SEMA5A: variants seen among roughly 807,000 people sequenced by gnomAD.
SEMA5A encodes semaphorin 5A.
Under a neutral mutation model 135.5 loss-of-function variants are expected in SEMA5A, and 55 were observed. That is an observed-to-expected ratio of 0.41 (90% CI 0.33 to 0.51). SEMA5A has a LOEUF of 0.51. Ranked by LOEUF, SEMA5A falls within the 20% of genes least tolerant of loss-of-function variation. The pLI is 0.37. For synonymous variants in SEMA5A, 580 were observed against 546.5 expected, an observed-to-expected ratio of 1.06 and a Z score of -0.85; for missense variants, 1,290 against 1,419.9, an observed-to-expected ratio of 0.91 and a Z score of 1.47.
intron 16 of SEMA5A, among the ~76,000 whole-genome samples, chr5:9,067,750 C>T (rs1737555031): frequency 1.3e-5 from 2 of 152,148 alleles, no homozygotes; most frequent in Non-Finnish European, 2.9e-5. Flanking sequence ...TACTTCATTT[C>T]ATGCTCTCCC....
chr5:9,052,129 T>C (rs1561104019), intron 19 of SEMA5A, 101 bp from the exon 20 acceptor site: 5 of 1,269,270 alleles, frequency 3.9e-6, no homozygotes, highest in Non-Finnish European at 5.3e-6. Flanking sequence ...GATTCCAGGA[T>C]TCCATAGCAT....
chr5:9,153,478 G>A (rs1029713432), intron 12 of SEMA5A, among the ~76,000 whole-genome samples: 5 of 152,148 alleles, frequency 3.3e-5, no homozygotes, highest in African/African-American at 1.2e-4. Context: ...AGATAAGACT[G>A]GCCTGAGGGT....
chr5:9,266,601 C>A (rs1434066763), intron 5 of SEMA5A, among the ~76,000 whole-genome samples: 2 of 152,172 alleles, frequency 1.3e-5, no homozygotes, highest in Non-Finnish European at 2.9e-5. Flanking sequence ...GCAACTTCTT[C>A]TCACCCTCAT....
intron 13 of SEMA5A, among the ~76,000 whole-genome samples, chr5:9,131,635 A>C (rs1741430574): frequency 9.7e-6 from 1 of 103,030 alleles, no homozygotes; most frequent in South Asian, 3.2e-4. Context: ...AAAAAAAAAA[A>C]AAAAAAAAAA....
At chr5:9,512,040 G>C (rs138165294) in intron 1 of SEMA5A, 1 of 152,272 alleles carries the variant, frequency 6.6e-6, no homozygotes, top group Non-Finnish European at 1.5e-5. Context: ...ATCCTTCACA[G>C]TTTGGGGATG....
chr5:9,478,605 C>A (rs1759759142), intron 1 of SEMA5A, among the ~76,000 whole-genome samples: 1 of 152,220 alleles, frequency 6.6e-6, no homozygotes. Context: ...CTTTCCTTCT[C>A]AGTTTTGGAC....
chr5:9,475,092 C>T (rs921819484), intron 1 of SEMA5A, among the ~76,000 whole-genome samples: 22 of 152,218 alleles, frequency 1.4e-4, no homozygotes, highest in Admixed American at 1.4e-3. Context: ...TAGACATGCA[C>T]CACCTACTTT....
At chr5:9,386,488 C>T (rs1755896670) in intron 2 of SEMA5A, among the ~76,000 whole-genome samples, 1 of 152,206 alleles carries the variant, frequency 6.6e-6, no homozygotes, top group Non-Finnish European at 1.5e-5. Context: ...TGCCAGGGTC[C>T]TCAGAGGCAG....
At chr5:9,364,275 C>A (rs750261640) in intron 3 of SEMA5A, among the ~76,000 whole-genome samples, 2 of 151,200 alleles carry the variant, frequency 1.3e-5, no homozygotes, top group Non-Finnish European at 3.0e-5. Flanking sequence ...GTGCAGACAC[C>A]TTTGAGAGTG....
At chr5:9,227,217 T>A (rs1418594014) in intron 6 of SEMA5A, among the ~76,000 whole-genome samples, 1 of 152,204 alleles carries the variant, frequency 6.6e-6, no homozygotes, top group African/African-American at 2.4e-5. Flanking sequence ...TATCTGCACC[T>A]TGTTTGATAA....
chr5:9,417,978 C>CTT (rs113658144), intron 2 of SEMA5A, among the ~76,000 whole-genome samples: 1 of 138,548 alleles, frequency 7.2e-6, no homozygotes, highest in Non-Finnish European at 1.6e-5. Flanking sequence ...AGTGTCTCTT[C>CTT]TTTTTTTTTT....
chr5:9,208,406 C>T (rs187616906), intron 8 of SEMA5A, among the ~76,000 whole-genome samples: 3 of 152,302 alleles, frequency 2.0e-5, no homozygotes, highest in Non-Finnish European at 1.5e-5. Context: ...GCACTGGGTG[C>T]TCCTTAGTAA....
At chr5:9,153,652 T>G (rs1742761873) in intron 12 of SEMA5A, among the ~76,000 whole-genome samples, 1 of 152,004 alleles carries the variant, frequency 6.6e-6, no homozygotes, top group South Asian at 2.1e-4. Flanking sequence ...TGCAGCAACA[T>G]CAACCACTCC....
At chr5:9,343,890 G>A (rs925555605) in intron 3 of SEMA5A, among the ~76,000 whole-genome samples, 2 of 152,072 alleles carry the variant, frequency 1.3e-5, no homozygotes, top group Admixed American at 6.5e-5. Context: ...CATGCCACGT[G>A]TACCCCCAAA....
chr5:9,074,647 A>G (rs1737947146), intron 16 of SEMA5A, among the ~76,000 whole-genome samples: 2 of 152,194 alleles, frequency 1.3e-5, no homozygotes, highest in Admixed American at 1.3e-4. Context: ...ACTAGAGTAT[A>G]AAAACTAACT....
chr5:9,358,738 T>G lies in SEMA5A; in HGVS notation c.125-20926A>C, dbSNP rs1018264580. Reference sequence around the variant, plus strand: ...TGAACATAAGTCATTCAGTGCACCCTCTATGTTGAAAGAAACGAAGCTGGA... The same window carrying G: ...TGAACATAAGTCATTCAGTGCACCCGCTATGTTGAAAGAAACGAAGCTGGA... On this transcript the variant is annotated intron_variant, in intron 3 of 22. Transcript: ENST00000382496. Among the ~76,000 whole-genome samples, 27 of 152,168 alleles carry G rather than the reference T, an allele frequency of 1.8e-4. 1 individual carries two copies. The highest frequency in any genetic ancestry group is 3.4e-4 in the Non-Finnish European group (23 of 68,030).
chr5:9,082,427 G>A (rs1339860602), intron 16 of SEMA5A, among the ~76,000 whole-genome samples: 1 of 152,172 alleles, frequency 6.6e-6, no homozygotes, highest in African/African-American at 2.4e-5. Context: ...TAGGGTTGAT[G>A]TCTTGAAAAC....
chr5:9,118,824 G>A (rs1372196589), intron 15 of SEMA5A, among the ~76,000 whole-genome samples, 174 bp downstream of exon 15: 10 of 152,148 alleles, frequency 6.6e-5, no homozygotes, highest in African/African-American at 2.4e-4. Flanking sequence ...CTGTCGACGA[G>A]GCTTTGATCA....
chr5:9,334,692 T>G (rs1448962561), intron 4 of SEMA5A, among the ~76,000 whole-genome samples: 2 of 152,196 alleles, frequency 1.3e-5, no homozygotes, highest in African/African-American at 4.8e-5. Flanking sequence ...CCTCTTTTTT[T>G]TTCTGTTATT....
Sources: allele counts gnomAD v4.1 joint callset (sites outside exome capture counted in the v4.1 genomes callset), GRCh38; gene constraint gnomAD v4.1.1; transcripts MANE v1.5; gene names NCBI Gene and HGNC (gene_info 2026-07-23, HGNC 2026-07-21).